The following STK3 variants were observed in gnomAD, a reference collection of about 807,000 sequenced individuals.
STK3 encodes the protein serine/threonine kinase 3, also known as serine/threonine-protein kinase 3.
In STK3, 41 loss-of-function variants were observed where a neutral mutation model predicts 58.0. That is an observed-to-expected ratio of 0.71 (90% CI 0.55 to 0.92). The LOEUF (loss-of-function observed/expected upper bound fraction) is 0.92, where lower values mean the gene tolerates loss of function less well. STK3 is among the 40% of genes least tolerant of loss of function. The probability of loss-of-function intolerance (pLI) is 0.00; values close to 1 mark genes in which losing one functional copy is unlikely to be tolerated. For synonymous variants in STK3, 170 were observed against 191.0 expected, an observed-to-expected ratio of 0.89 and a Z score of 0.91; for missense variants, 479 against 602.7, an observed-to-expected ratio of 0.79 and a Z score of 2.15.
upstream of STK3, among the ~76,000 whole-genome samples, chr8:98,828,456 A>AAAAAAAAAAC (rs1835404063): frequency 6.6e-6 from 1 of 150,506 alleles, no homozygotes; most frequent in African/African-American, 2.4e-5. Context: ...AAAAAAAAAA[A>AAAAAAAAAAC]AAAAAAAAAC....
chr8:98,382,780 C>T (rs1262809790), intron 1 of STK3, among the ~76,000 whole-genome samples: 1 of 152,234 alleles, frequency 6.6e-6, no homozygotes, highest in Non-Finnish European at 1.5e-5. Context: ...AGGCAAGAAA[C>T]CCGATTCCTG....
intron 6 of STK3, among the ~76,000 whole-genome samples, chr8:98,608,802 T>C (rs1563798515): frequency 6.6e-6 from 1 of 152,226 alleles, no homozygotes; most frequent in Non-Finnish European, 1.5e-5. Context: ...AATCACCTTA[T>C]TCTAGTAACC....
At chr8:98,471,934 C>A (rs2131228875) in intron 10 of STK3, among the ~76,000 whole-genome samples, 1 of 152,200 alleles carries the variant, frequency 6.6e-6, no homozygotes, top group Middle Eastern at 3.4e-3. Flanking sequence ...AAATTTAATT[C>A]TTTGCAGGTA....
chr8:98,546,420 T>C (rs1253512115), intron 9 of STK3, among the ~76,000 whole-genome samples: 1 of 152,164 alleles, frequency 6.6e-6, no homozygotes, highest in Non-Finnish European at 1.5e-5. Flanking sequence ...ACTATATGAC[T>C]GCATGAAAAG....
At chr8:98,617,468 A>G (rs1357521801) in intron 6 of STK3, among the ~76,000 whole-genome samples, 247 of 142,532 alleles carry the variant, frequency 1.7e-3, no homozygotes, top group African/African-American at 5.5e-3. Flanking sequence ...AAATCAGAGC[A>G]GAACTGAAGG....
chr8:98,679,106 C>T (rs1305148620), intron 6 of STK3, among the ~76,000 whole-genome samples: 3 of 152,000 alleles, frequency 2.0e-5, no homozygotes, highest in South Asian at 2.1e-4. Flanking sequence ...GAGAAGTCAC[C>T]GTCATCTCTC....
chr8:98,479,274 G>C (rs1316031820), intron 10 of STK3, among the ~76,000 whole-genome samples: 1 of 152,124 alleles, frequency 6.6e-6, no homozygotes, highest in Non-Finnish European at 1.5e-5. Flanking sequence ...GGATCATGAG[G>C]TCAGGAGTTA....
chr8:98,731,022 A>G (rs1202168548), intron 4 of STK3, among the ~76,000 whole-genome samples: 1 of 152,232 alleles, frequency 6.6e-6, no homozygotes, highest in Non-Finnish European at 1.5e-5. Context: ...CACTGGATAG[A>G]GCCTAGAGTA....
chr8:98,683,170 A>T (rs376223672), intron 6 of STK3, among the ~76,000 whole-genome samples: 1 of 152,002 alleles, frequency 6.6e-6, no homozygotes, highest in Admixed American at 6.5e-5. Context: ...AAAGTGCCAA[A>T]AAATAAATAA....
rs184260499 is a variant in STK3, at chr8:98,843,853, C to T, written c.110+39794G>A. On this transcript the variant is annotated intron_variant, in intron 3 of 12. Transcript: ENST00000523601. ...CCAACATGGCAAAACCCCGTCTCTACTACAAAGACAAAAATTTGCCGGGCG... is the reference window on the plus strand; with the variant it reads ...CCAACATGGCAAAACCCCGTCTCTATTACAAAGACAAAAATTTGCCGGGCG... Among the ~76,000 whole-genome samples the T allele has an allele frequency of 8.7e-3, 1,329 of 152,282 alleles. 12 individuals are homozygous for T. The highest frequency in any genetic ancestry group is 0.03 in the African/African-American group (1,243 of 41,536).
chr8:98,409,774 A>G (rs1374406547), intron 3 of STK3, among the ~76,000 whole-genome samples: 1 of 152,194 alleles, frequency 6.6e-6, no homozygotes, highest in Non-Finnish European at 1.5e-5. Flanking sequence ...CTTCTGACTC[A>G]TGCCCAGCTG....
chr8:98,748,983 AAAC>A (rs956890659), intron 4 of STK3, among the ~76,000 whole-genome samples: 6 of 151,936 alleles, frequency 3.9e-5, no homozygotes, highest in African/African-American at 1.4e-4. Context: ...TCACATTATT[AAAC>A]AACACACACA....
intron 1 of STK3, among the ~76,000 whole-genome samples, chr8:98,380,525 G>C (rs1268222974): frequency 6.6e-6 from 1 of 152,274 alleles, no homozygotes; most frequent in South Asian, 2.1e-4. Flanking sequence ...CCTTAGAATA[G>C]ATGTTATTTC....
chr8:98,911,645 C>T lies in STK3; in HGVS notation c.-78-27811G>A, dbSNP rs186229438. On this transcript the variant is annotated intron_variant, in intron 1 of 1. Coordinates refer to the STK3 transcript ENST00000519420. ...TTGGCCTCAAGTGATCTGCCCGCCT[C>T]GGCCTCCCAAAGTGCTGGGATTAGC... 2.2e-3 allele frequency among the ~76,000 whole-genome samples: 329 copies of T among 152,174 alleles called. 1 individual carries two copies. Among genetic ancestry groups the T allele is most frequent in the African/African-American group, 7.6e-3 (315 of 41,492 alleles).
rs1298339665 is a variant in STK3, at chr8:98,513,658, C to T, written c.1317+13084G>A. Among the ~76,000 whole-genome samples, 3 of 152,122 alleles carry T rather than the reference C, an allele frequency of 2.0e-5. No individual in the cohort carries two copies. The East Asian group carries it at 5.8e-4, about 29-fold the overall frequency. On this transcript the variant is annotated intron_variant, in intron 10 of 10. Coordinates refer to ENST00000419617, the MANE Select transcript of STK3 (RefSeq NM_006281.4). The stretch of plus-strand genomic sequence containing the variant: ...GCCTGCAGCAGCAGACCTAATAGGG[C>T]CACAGAAATAGTATACCTGGGTGGG...
At chr8:98,730,658 G>C (rs1828107658) in intron 4 of STK3, among the ~76,000 whole-genome samples, 1 of 145,612 alleles carries the variant, frequency 6.9e-6, no homozygotes, top group Non-Finnish European at 1.5e-5. Flanking sequence ...AGAGGTTGCA[G>C]TGGGCCAAGA....
At chr8:98,717,986 T>C (rs1347019755) in intron 4 of STK3, among the ~76,000 whole-genome samples, 2 of 152,138 alleles carry the variant, frequency 1.3e-5, no homozygotes. Context: ...TTATATGAAA[T>C]ACTCAGAGTT....
intron 6 of STK3, among the ~76,000 whole-genome samples, chr8:98,654,369 C>G (rs1333892202): frequency 6.6e-6 from 1 of 152,052 alleles, no homozygotes; most frequent in Non-Finnish European, 1.5e-5. Context: ...AAACCCACAG[C>G]CAATATCATA....
intron 3 of STK3, among the ~76,000 whole-genome samples, chr8:98,409,392 C>T (rs553542904): frequency 2.0e-5 from 3 of 152,320 alleles, no homozygotes; most frequent in Non-Finnish European, 4.4e-5. Flanking sequence ...ACGAGGAGCC[C>T]GTGAGGCACT....
Sources: allele counts gnomAD v4.1 joint callset (sites outside exome capture counted in the v4.1 genomes callset), GRCh38; gene constraint gnomAD v4.1.1; transcripts MANE v1.5; gene names NCBI Gene and HGNC (gene_info 2026-07-23, HGNC 2026-07-21).